Variants in PCDHGB3 observed in about 807,000 individuals in gnomAD.
PCDHGB3 encodes the protein protocadherin gamma-B3.
PCDHGB3 carries 40 observed loss-of-function variants against 59.2 expected under a neutral mutation model. The observed-to-expected ratio is 0.68, with a 90% CI of 0.52 to 0.88. The LOEUF (loss-of-function observed/expected upper bound fraction) is 0.88, where lower values mean the gene tolerates loss of function less well. Ranked by LOEUF, PCDHGB3 falls within the 40% of genes least tolerant of loss-of-function variation. The pLI, the probability that PCDHGB3 is intolerant of heterozygous loss-of-function variation, is 0.00. For synonymous variants in PCDHGB3, 581 were observed against 503.6 expected, an observed-to-expected ratio of 1.15 and a Z score of -2.06; for missense variants, 1,309 against 1,187.9, an observed-to-expected ratio of 1.10 and a Z score of -1.50.
chr5:141,398,708 T>A, intron 1 of PCDHGB3: 2 of 1,613,886 alleles, frequency 1.2e-6, no homozygotes, highest in Non-Finnish European at 1.7e-6. Context: ...TACCCGGAAC[T>A]GGCACTGGAG....
Position 141,426,411 on chromosome 5 carries a change from C to A in PCDHGB3, c.2415+53602C>A, listed in dbSNP as rs1561821998. 10 of 286,096 alleles carry A rather than the reference C, an allele frequency of 3.5e-5. No homozygotes were observed. In the South Asian group the frequency reaches 3.7e-4, roughly 11 times the overall value. The allele number at this position is 286,096 out of a possible 1,614,324, so 17.7% of individuals were successfully genotyped here. On this transcript the variant is annotated intron_variant, in intron 1 of 3. Coordinates refer to ENST00000576222, the MANE Select transcript of PCDHGB3 (RefSeq NM_018924.5). ...GCTACTCTATTCCAGAAGAAACGGT[C>A]CAGGGCTCCGTGGTGGGGAACCTTG... is the stretch of plus-strand genomic sequence containing the variant.
intron 2 of PCDHGB3, among the ~76,000 whole-genome samples, chr5:141,504,359 A>C (rs988295720): frequency 2.6e-5 from 4 of 152,044 alleles, no homozygotes; most frequent in African/African-American, 9.7e-5. Flanking sequence ...TAGGTGCTTC[A>C]GTAGGAAGCA....
intron 1 of PCDHGB3, chr5:141,413,189 G>T: frequency 1.2e-6 from 2 of 1,606,972 alleles, no homozygotes; most frequent in Middle Eastern, 1.7e-4. Flanking sequence ...GCCGCTCAAA[G>T]GAATCGCTCA....
intron 1 of PCDHGB3, chr5:141,430,546 G>A (rs1323295073): frequency 2.5e-6 from 1 of 402,156 alleles, no homozygotes; most frequent in Non-Finnish European, 4.4e-6. Context: ...GAGCGCCGCT[G>A]TTCACCAATC....
intron 1 of PCDHGB3, chr5:141,441,751 A>G (rs946329290): frequency 5.3e-6 from 2 of 378,094 alleles, no homozygotes; most frequent in African/African-American, 2.2e-5. Flanking sequence ...CTCGGCGTCA[A>G]CGTGAGCCTG....
intron 1 of PCDHGB3, among the ~76,000 whole-genome samples, chr5:141,439,398 T>C (rs2098110369): frequency 6.6e-6 from 1 of 152,212 alleles, no homozygotes; most frequent in Admixed American, 6.5e-5. Context: ...TTCGACTTCA[T>C]GTGCTAACAT....
chr5:141,487,919 A>G lies in PCDHGB3; in HGVS notation c.2416-6888A>G, dbSNP rs548678238. ...ATGGAATGTGGGAGCACAGGAGGCTACAGTGCACAGGGTACAGTGCACCAG... is the reference window on the plus strand; with the variant it reads ...ATGGAATGTGGGAGCACAGGAGGCTGCAGTGCACAGGGTACAGTGCACCAG... On this transcript the variant is annotated intron_variant, in intron 1 of 3. Transcript: ENST00000576222. The surrounding 1 kb of genome is among the most constrained non-coding windows in gnomAD (Gnocchi z 5.0). 23 of 644,878 alleles carry G rather than the reference A, an allele frequency of 3.6e-5. No individual in the cohort carries two copies. Among genetic ancestry groups the G allele is most frequent in the Non-Finnish European group, 5.6e-5 (21 of 374,374 alleles). 39.9% of individuals were successfully genotyped at this position (644,878 alleles called of 1,614,324 possible). A position where few individuals can be genotyped will look rare whatever the true frequency, so the allele number is the denominator to read the frequency against.
intron 1 of PCDHGB3, chr5:141,428,221 G>T (rs1314522513): frequency 1.0e-5 from 12 of 1,177,166 alleles, no homozygotes; most frequent in East Asian, 4.9e-5. Context: ...CCTAGTCTTC[G>T]CAGACAGCCT....
chr5:141,444,146 T>C (rs2098418879), intron 1 of PCDHGB3, among the ~76,000 whole-genome samples: 2 of 145,824 alleles, frequency 1.4e-5, no homozygotes, highest in South Asian at 4.3e-4. Flanking sequence ...CACTTGTGTG[T>C]ACTGGATTTT....
In PCDHGB3 at chr5:141,370,571, G is replaced by A. The variant is rs970814015; in HGVS notation, c.177G>A (p.Gly59=). 2 of 1,613,816 alleles carry A rather than the reference G, an allele frequency of 1.2e-6. No individual in the cohort carries two copies. The highest frequency in any genetic ancestry group is 1.3e-5 in the African/African-American group (1 of 74,884). ...NLAKDLGFGV[G]DLPTRNLRVI... is the part of the protein sequence containing the mutation. ...CCAAGGACCTGGGGTTTGGCGTGGG[G>A]GATTTACCTACTAGGAACCTGCGGG... is the stretch of plus-strand genomic sequence containing the variant. The change falls in exon 1 of 4, where the codon GGG becomes GGA. Residue 59 remains glycine (G), a synonymous_variant. Coordinates refer to ENST00000576222, the MANE Select transcript of PCDHGB3 (RefSeq NM_018924.5).
chr5:141,443,555 C>T (rs1284929219), intron 1 of PCDHGB3, among the ~76,000 whole-genome samples: 1 of 152,130 alleles, frequency 6.6e-6, no homozygotes, highest in East Asian at 1.9e-4. Flanking sequence ...TGTTCCAATT[C>T]AAATGCTTTA....
At chr5:141,377,830 G>A (rs981734715) in intron 1 of PCDHGB3, 2 of 152,172 alleles carry the variant, frequency 1.3e-5, no homozygotes, top group Admixed American at 6.5e-5. Flanking sequence ...AGTTACAATC[G>A]CCATTATCTT....
At position 141,485,833 on chromosome 5, in the gene PCDHGB3, G is replaced by A. The variant is rs780944737; in HGVS notation, c.2416-8974G>A. 64 of 1,613,904 alleles carry A rather than the reference G, an allele frequency of 4.0e-5. No homozygotes were observed. Among genetic ancestry groups the A allele is most frequent in the Non-Finnish European group, 2.5e-6 (3 of 1,180,004 alleles). On this transcript the variant is annotated intron_variant, in intron 1 of 3. Coordinates refer to ENST00000576222, the MANE Select transcript of PCDHGB3 (RefSeq NM_018924.5). This position sits in a 1 kb window ranked among gnomAD's most constrained non-coding sequence, Gnocchi z 5.7. Reference sequence around the variant, plus strand: ...TGACTGCTGTCGATGGAGGGAACCCGCCGAGATCTGGCACCGCAGAGCTCC... The same window carrying A: ...TGACTGCTGTCGATGGAGGGAACCCACCGAGATCTGGCACCGCAGAGCTCC...
At chr5:141,495,013 T>C (rs2099758300) in intron 2 of PCDHGB3, 148 bp downstream of exon 2, 12 of 1,511,014 alleles carry the variant, frequency 7.9e-6, no homozygotes, top group Non-Finnish European at 1.1e-5. Context: ...TGCGGGGGGC[T>C]GGCACACAGA....
At chr5:141,444,125 C>A (rs1459174213) in intron 1 of PCDHGB3, among the ~76,000 whole-genome samples, 2 of 130,784 alleles carry the variant, frequency 1.5e-5, no homozygotes, top group African/African-American at 5.7e-5. Flanking sequence ...AGTATCTCAA[C>A]AGATATGTGT....
At chr5:141,459,910 A>G (rs2098977946) in intron 1 of PCDHGB3, among the ~76,000 whole-genome samples, 2 of 152,042 alleles carry the variant, frequency 1.3e-5, no homozygotes, top group Non-Finnish European at 1.5e-5. Context: ...GAGCTATGGG[A>G]GTTTTAAAAT....
At chr5:141,457,647 T>C (rs929739178) in intron 1 of PCDHGB3, among the ~76,000 whole-genome samples, 6 of 152,256 alleles carry the variant, frequency 3.9e-5, no homozygotes, top group Non-Finnish European at 8.8e-5. Context: ...ATTATTTGCA[T>C]GAAGTGCAGC....
Position 141,431,897 on chromosome 5 carries a change from G to A in PCDHGB3, c.2415+59088G>A. On this transcript the variant is annotated intron_variant, in intron 1 of 3. Transcript: ENST00000576222. This position sits in a 1 kb window ranked among gnomAD's most constrained non-coding sequence, Gnocchi z 4.8. ...AAATGACCAAGATTCTGAGGAAAAC[G>A]GACAGGTGATCTGTTTCATCCAAGG... is the stretch of plus-strand genomic sequence containing the variant. 6 of 1,613,830 alleles carry A rather than the reference G, an allele frequency of 3.7e-6. No individual in the cohort carries two copies. The highest frequency in any genetic ancestry group is 5.1e-6 in the Non-Finnish European group (6 of 1,179,704).
At chr5:141,375,147 C>A (rs768909291) in intron 1 of PCDHGB3, 1 of 1,613,946 alleles carries the variant, frequency 6.2e-7, no homozygotes, top group South Asian at 1.1e-5. Context: ...GGAAGCAGAA[C>A]AATTGCTGAA....
Sources: gnomAD v4.1 joint callset for allele counts (sites outside exome capture counted in the v4.1 genomes callset) on GRCh38, gnomAD v4.1.1 for gene constraint, Gnocchi (gnomAD v3.1) non-coding constraint, MANE v1.5 for transcripts, NCBI Gene and HGNC (gene_info 2026-07-23, HGNC 2026-07-21) for gene names.